The following PDE3B variants were observed in gnomAD, a reference collection of about 807,000 sequenced individuals.
PDE3B encodes cGMP-inhibited 3',5'-cyclic phosphodiesterase 3B.
A neutral mutation model predicts 116.8 loss-of-function variants in PDE3B; 66 were observed. The observed-to-expected ratio is 0.56, with a 90% CI of 0.46 to 0.69. PDE3B has a LOEUF of 0.69. PDE3B is among the 30% of genes least tolerant of loss of function. The probability of loss-of-function intolerance (pLI) is 0.00; values close to 1 mark genes in which losing one functional copy is unlikely to be tolerated. For synonymous variants in PDE3B, 595 were observed against 533.6 expected, an observed-to-expected ratio of 1.12 and a Z score of -1.59; for missense variants, 1,384 against 1,368.1, an observed-to-expected ratio of 1.01 and a Z score of -0.18.
chr11:14,730,072 C>T (rs554200962), intron 1 of PDE3B, among the ~76,000 whole-genome samples: 1 of 152,254 alleles, frequency 6.6e-6, no homozygotes, highest in African/African-American at 2.4e-5. Context: ...TGCATGGCTA[C>T]CACCAAAAAT....
chr11:14,684,164 T>C (rs1854792863), intron 1 of PDE3B, among the ~76,000 whole-genome samples: 1 of 152,202 alleles, frequency 6.6e-6, no homozygotes, highest in Non-Finnish European at 1.5e-5. Flanking sequence ...CCAAATTGTT[T>C]TTCAAAGTTT....
chr11:14,883,758 T>G, the PDE3B span, among the ~76,000 whole-genome samples: 1 of 151,860 alleles, frequency 6.6e-6, no homozygotes, highest in Non-Finnish European at 1.5e-5. Context: ...ACCTACAAAA[T>G]GGGAGAAAAT....
At chr11:14,674,776 T>A (rs1854482388) in intron 1 of PDE3B, among the ~76,000 whole-genome samples, 1 of 152,198 alleles carries the variant, frequency 6.6e-6, no homozygotes, top group Non-Finnish European at 1.5e-5. Context: ...TGATCCTGAT[T>A]GCAACTGGGA....
At chr11:14,749,899 C>CATATATATATATTTATATATATAT (rs1857010876) in intron 1 of PDE3B, among the ~76,000 whole-genome samples, 1 of 77,646 alleles carries the variant, frequency 1.3e-5, no homozygotes, top group African/African-American at 5.7e-5. Context: ...AAATATATCC[C>CATATATATATATTTATATATATAT]ATATATATAT....
At chr11:14,855,150 G>T (rs1236762577) in intron 12 of PDE3B, among the ~76,000 whole-genome samples, 3 of 152,102 alleles carry the variant, frequency 2.0e-5, no homozygotes, top group African/African-American at 7.2e-5. Flanking sequence ...AGACCAGGAA[G>T]ATAAAAAGAG....
At chr11:14,880,200 A>G in the PDE3B span, 2 of 1,613,030 alleles carry the variant, frequency 1.2e-6, no homozygotes, top group Admixed American at 1.7e-5. Flanking sequence ...TTGTAGTTTC[A>G]GTTCCAGCAA....
rs1338798170 is a variant in PDE3B at position 14,848,009 on chromosome 11, A to C, written c.2520+3983A>C. ...TTTATGAGGCCAGCATCATCCTGAT[A>C]CCAAAGCCTGGCAGAGACACAACCA... On this transcript the variant is annotated intron_variant, in intron 12 of 15. Transcript: ENST00000282096. 8.5e-5 allele frequency among the ~76,000 whole-genome samples: 13 copies of C among 152,214 alleles called. No individual in the cohort carries two copies. The South Asian group carries it at 1.5e-3, about 17-fold the overall frequency.
intron 1 of PDE3B, chr11:14,673,640 CA>C: frequency 1.5e-6 from 1 of 676,178 alleles, no homozygotes; most frequent in Non-Finnish European, 2.8e-6. Context: ...TGGCACTAAA[CA>C]AAGTTGTAGA....
At chr11:14,655,608 A>G (rs1039560457) in intron 1 of PDE3B, among the ~76,000 whole-genome samples, 5 of 152,168 alleles carry the variant, frequency 3.3e-5, no homozygotes, top group Non-Finnish European at 7.3e-5. Flanking sequence ...CTAGCTCACC[A>G]TGAGACACAA....
At chr11:14,754,785 C>T (rs1857142083) in intron 1 of PDE3B, among the ~76,000 whole-genome samples, 1 of 152,066 alleles carries the variant, frequency 6.6e-6, no homozygotes, top group African/African-American at 2.4e-5. Flanking sequence ...TAGGTCTCTT[C>T]ATCCTTTATT....
At chr11:14,659,813 C>A (rs1045169533) in intron 1 of PDE3B, among the ~76,000 whole-genome samples, 1 of 151,968 alleles carries the variant, frequency 6.6e-6, no homozygotes, top group African/African-American at 2.4e-5. Flanking sequence ...TTATGTTTAC[C>A]CCTATTTCTG....
At chr11:14,764,993 C>T (rs1857457896) in intron 1 of PDE3B, among the ~76,000 whole-genome samples, 1 of 151,366 alleles carries the variant, frequency 6.6e-6, no homozygotes, top group Non-Finnish European at 1.5e-5. Flanking sequence ...GTTAGTTTAA[C>T]TTTTTGGCTA....
chr11:14,821,717 A>C (rs1356940597), intron 7 of PDE3B, among the ~76,000 whole-genome samples: 2 of 152,150 alleles, frequency 1.3e-5, no homozygotes, highest in Non-Finnish European at 2.9e-5. Flanking sequence ...TCAATTAATG[A>C]TTGGTATATT....
At chr11:14,723,761 C>CAA (rs545941260) in intron 1 of PDE3B, among the ~76,000 whole-genome samples, 1 of 130,612 alleles carries the variant, frequency 7.7e-6, no homozygotes, top group South Asian at 2.4e-4. Context: ...GACTCCATCT[C>CAA]AAAAAAAAAA....
At chr11:14,712,662 A>G (rs554193469) in intron 1 of PDE3B, among the ~76,000 whole-genome samples, 12 of 152,006 alleles carry the variant, frequency 7.9e-5, no homozygotes, top group Middle Eastern at 3.4e-3. Context: ...TTTAATAGTG[A>G]CAGGGTTTAA....
chr11:14,818,145 T>G, intron 5 of PDE3B, 38 bp from the exon 6 acceptor site: 2 of 1,280,456 alleles, frequency 1.6e-6, no homozygotes, highest in Non-Finnish European at 2.3e-6. Context: ...CATAAATACA[T>G]TCTTATTTAT....
chr11:14,809,624 C>G (rs1859063183), intron 5 of PDE3B, among the ~76,000 whole-genome samples: 1 of 152,114 alleles, frequency 6.6e-6, no homozygotes, highest in African/African-American at 2.4e-5. Context: ...CCCAATGAGA[C>G]AGTATTAAGA....
the PDE3B span, chr11:14,885,837 T>G: frequency 6.8e-6 from 11 of 1,613,526 alleles, no homozygotes; most frequent in African/African-American, 1.3e-5. Flanking sequence ...AAATTTCGCT[T>G]TGATGAACAA....
chr11:14,682,132 C>G (rs1401068249), intron 1 of PDE3B, among the ~76,000 whole-genome samples: 5 of 152,106 alleles, frequency 3.3e-5, no homozygotes, highest in Non-Finnish European at 4.4e-5. Flanking sequence ...GGTCTTCATC[C>G]TCACTGTCTT....
Sources: gnomAD v4.1 joint callset for allele counts (sites outside exome capture counted in the v4.1 genomes callset) on GRCh38, gnomAD v4.1.1 for gene constraint, MANE v1.5 for transcripts, NCBI Gene and HGNC (gene_info 2026-07-23, HGNC 2026-07-21) for gene names.